The following CAMKK1 variants were observed in gnomAD, a reference collection of about 807,000 sequenced individuals.
CAMKK1 encodes calcium/calmodulin dependent protein kinase kinase 1.
A neutral mutation model predicts 63.5 loss-of-function variants in CAMKK1; 20 were observed. The ratio of observed to expected loss-of-function variants is 0.32; its 90% confidence interval spans 0.22 to 0.46. CAMKK1 has a LOEUF of 0.46. CAMKK1 is among the 20% of genes least tolerant of loss of function. CAMKK1 has a pLI of 1.00. For missense variants in CAMKK1, 588 were observed against 658.1 expected (o/e 0.89, Z 1.17); for synonymous variants, 253 against 269.0 (o/e 0.94, Z 0.58).
chr17:3,884,431 T>C lies in CAMKK1; in HGVS notation c.361-4A>G, dbSNP rs2055552987. The C allele has an allele frequency of 6.2e-7, 1 of 1,613,200 alleles. No individual in the cohort carries two copies. Among genetic ancestry groups the C allele is most frequent in the Non-Finnish European group, 8.5e-7 (1 of 1,179,584 alleles). ...ACTGGTTCAGCTGCACGCAGTCCTGTGGGGGAAGAGCGAGCACCAGGTGGA... is the reference window on the plus strand; with the variant it reads ...ACTGGTTCAGCTGCACGCAGTCCTGCGGGGGAAGAGCGAGCACCAGGTGGA... On this transcript the variant is annotated splice_polypyrimidine_tract_variant and splice_region_variant and intron_variant, in intron 2 of 15. Transcript: ENST00000348335. The surrounding 1 kb of genome is among the most constrained non-coding windows in gnomAD (Gnocchi z 4.5).
chr17:3,876,984 C>T (rs985095097), intron 9 of CAMKK1, among the ~76,000 whole-genome samples: 20 of 152,170 alleles, frequency 1.3e-4, no homozygotes, highest in African/African-American at 4.3e-4. Flanking sequence ...TCTTGAACTC[C>T]TGACCTCAGG....
In CAMKK1 at chr17:3,876,507, G is replaced by C. The variant is rs931006520; in HGVS notation, c.797-85C>G. On this transcript the variant is annotated intron_variant, in intron 9 of 15. Transcript: ENST00000348335. ...CACCCGTCCTTGCACAGCCAGGGAC[G>C]CCGGCCGGGACATCCCAGCCCATGC... is the stretch of plus-strand genomic sequence containing the variant. 4.9e-6 allele frequency: 6 copies of C among 1,231,046 alleles called. No homozygotes were observed. The Admixed American group carries it at 5.4e-5, about 11-fold the overall frequency. 76.3% of individuals were successfully genotyped at this position (1,231,046 alleles called of 1,614,324 possible). A position where few individuals can be genotyped will look rare whatever the true frequency, so the allele number is the denominator to read the frequency against.
chr17:3,869,719 C>T, intron 13 of CAMKK1, 82 bp downstream of exon 13: 4 of 1,592,564 alleles, frequency 2.5e-6, no homozygotes, highest in Non-Finnish European at 2.6e-6. Flanking sequence ...ACACATGCAT[C>T]CTGGTGTTGA....
chr17:3,865,951 G>A lies in CAMKK1; in HGVS notation c.1402C>T (p.Arg468Trp), dbSNP rs369459857. Residue 468 changes from arginine (R) to tryptophan (W), a missense_variant, in exon 15 of 16, where the codon CGG becomes TGG. Transcript: ENST00000348335. The stretch of plus-strand genomic sequence containing the variant: ...GCAGACATGGATCGCTCTTCCCTCC[G>A]TGCTTGGGGCTCAAACGGGTTCCCA... ...SFGNPFEPQA[R>W]REERSMSAPG... 34 of 1,614,060 alleles carry A rather than the reference G, an allele frequency of 2.1e-5. No individual in the cohort carries two copies. Among genetic ancestry groups the A allele is most frequent in the Middle Eastern group, 1.6e-4 (1 of 6,084 alleles).
rs1226948993 is a variant in CAMKK1, at chr17:3,885,729, A to T, written c.-42T>A. ...GTTCTTCTGCGTAGCCTTGTTGGGA[A>T]CCTGAGAAAAGAAGGCAGAGAAGGC... On this transcript the variant is annotated splice_region_variant and 5_prime_UTR_variant, in exon 2 of 16. Transcript: ENST00000348335. The T allele has an allele frequency of 6.2e-7, 1 of 1,602,280 alleles. No homozygotes were observed. The highest frequency in any genetic ancestry group is 8.5e-7 in the Non-Finnish European group (1 of 1,177,240).
Position 3,885,542 on chromosome 17 carries a change from C to T in CAMKK1, c.146G>A (p.Arg49Lys). The change falls in exon 2 of 16, where the codon AGA becomes AAA. Residue 49 changes from arginine (R) to lysine (K), a missense_variant. Arg to Lys is a conservative substitution (Grantham distance 26, BLOSUM62 2). Coordinates refer to ENST00000348335, the MANE Select transcript of CAMKK1 (RefSeq NM_032294.3). ...ACTGCCAGGGATCACAGAGGCAGCT[C>T]TGGCCCGTGGTGGGGGGTCCACACC... is the stretch of plus-strand genomic sequence containing the variant. ...RNGVDPPPRA[R>K]AASVIPGSTS... 1.9e-6 allele frequency: 3 copies of T among 1,613,968 alleles called. No individual in the cohort carries two copies. The highest frequency in any genetic ancestry group is 2.5e-6 in the Non-Finnish European group (3 of 1,180,028).
At chr17:3,872,263 G>A (rs1181383052) in intron 12 of CAMKK1, among the ~76,000 whole-genome samples, 1 of 152,214 alleles carries the variant, frequency 6.6e-6, no homozygotes, top group East Asian at 1.9e-4. Flanking sequence ...GGGTGGGGCT[G>A]GCGCCACTGA....
rs1273451364 is a variant in CAMKK1 at position 3,860,430 on chromosome 17, AAAC to A, written c.*1778_*1780del. 2.0e-5 allele frequency: 3 copies of A among 152,632 alleles called. No homozygotes were observed. The highest frequency in any genetic ancestry group is 7.2e-5 in the African/African-American group (3 of 41,440). The allele number at this position is 152,632 out of a possible 1,614,324, so 9.5% of individuals were successfully genotyped here. ...TGCTCATCGCTTGTGCTACATTCAAAAACAACGATGCCAACCAAAACCCTCAGT... is the reference window on the plus strand; with the variant it reads ...TGCTCATCGCTTGTGCTACATTCAAAAACGATGCCAACCAAAACCCTCAGT... On this transcript the variant is annotated 3_prime_UTR_variant, in exon 16 of 16. Transcript: ENST00000348335.
chr17:3,876,598 C>T (rs2055168818), intron 9 of CAMKK1, among the ~76,000 whole-genome samples, 176 bp from the exon 10 acceptor site: 1 of 152,222 alleles, frequency 6.6e-6, no homozygotes, highest in African/African-American at 2.4e-5. Context: ...CAGGTGCAGA[C>T]ACTGAGCCCA....
chr17:3,872,514 C>T (rs776543635), intron 12 of CAMKK1, 40 bp downstream of exon 12: 13 of 1,536,330 alleles, frequency 8.5e-6, no homozygotes, highest in African/African-American at 4.1e-5. Context: ...ACACCAGGAG[C>T]GGGTGGTAGC....
At chr17:3,868,091 T>G (rs12948104) in intron 14 of CAMKK1, among the ~76,000 whole-genome samples, 2 of 76,304 alleles carry the variant, frequency 2.6e-5, no homozygotes, top group Non-Finnish European at 4.7e-5. Flanking sequence ...ATACGTGGGC[T>G]CTGGGGGAGA....
At chr17:3,869,026 T>A (rs1322211782) in intron 14 of CAMKK1, among the ~76,000 whole-genome samples, 2 of 150,812 alleles carry the variant, frequency 1.3e-5, no homozygotes, top group Non-Finnish European at 3.0e-5. Flanking sequence ...TGGAGTGCAG[T>A]GGCGCGATCT....
In CAMKK1 at chr17:3,890,389, T is replaced by C. The variant is rs2055851900; in HGVS notation, c.-44+2550A>G. 6.6e-6 allele frequency among the ~76,000 whole-genome samples: 1 copy of C among 152,094 alleles called. No homozygotes were observed. The highest frequency in any genetic ancestry group is 2.4e-5 in the African/African-American group (1 of 41,416). On this transcript the variant is annotated intron_variant, in intron 1 of 15. Transcript: ENST00000348335. The surrounding 1 kb of genome is among the most constrained non-coding windows in gnomAD (Gnocchi z 6.5). ...ATCGTCCTGGCCCACCCACGGAGGC[T>C]GATGGTCTCCAGGCCTCATCCTCTG...
At chr17:3,868,692 A>G (rs1449462385) in intron 14 of CAMKK1, among the ~76,000 whole-genome samples, 1 of 151,648 alleles carries the variant, frequency 6.6e-6, no homozygotes, top group African/African-American at 2.4e-5. Context: ...TCGTTCTGTC[A>G]ACCAGGCTGG....
At position 3,885,791 on chromosome 17, in the gene CAMKK1, T is replaced by G. The variant is rs932680137; in HGVS notation, c.-43-61A>C. On this transcript the variant is annotated intron_variant, in intron 1 of 15. Transcript: ENST00000348335. ...GTGTCAGGCTGGCTACCAGGTAAGGTAGCCACAGCGCTGTGGGTCCCACCT... is the reference window on the plus strand; with the variant it reads ...GTGTCAGGCTGGCTACCAGGTAAGGGAGCCACAGCGCTGTGGGTCCCACCT... The G allele has an allele frequency of 4.6e-6, 7 of 1,527,480 alleles. No homozygotes were observed. The African/African-American group carries it at 9.5e-5, about 21-fold the overall frequency. The allele number at this position is 1,527,480 out of a possible 1,614,324, so 94.6% of individuals were successfully genotyped here.
Position 3,884,569 on chromosome 17 carries a change from T to C in CAMKK1, c.361-142A>G, listed in dbSNP as rs2055561488. ...GTCTCACCAAGCTTTTGAGTTTGGA[T>C]GGGGAAGTTGGTGGTGCCATCGCCC... On this transcript the variant is annotated intron_variant, in intron 2 of 15. Coordinates refer to ENST00000348335, the MANE Select transcript of CAMKK1 (RefSeq NM_032294.3). The surrounding 1 kb of genome is among the most constrained non-coding windows in gnomAD (Gnocchi z 4.5). 1 of 694,708 alleles carries C rather than the reference T, an allele frequency of 1.4e-6. No homozygotes were observed. The allele number at this position is 694,708 out of a possible 1,614,324, so 43.0% of individuals were successfully genotyped here.
Position 3,883,394 on chromosome 17 carries a change from A to T in CAMKK1, c.514+35T>A, listed in dbSNP as rs1262202453. On this transcript the variant is annotated intron_variant, in intron 5 of 15. Transcript: ENST00000348335. The surrounding 1 kb of genome is among the most constrained non-coding windows in gnomAD (Gnocchi z 4.7). ...AGGTCTCCTCCTCTGCCTCCAGGCT[A>T]GGAGCTCCCAGGGACAGGATCAGAA... 5.8e-6 allele frequency: 8 copies of T among 1,370,548 alleles called. No individual in the cohort carries two copies. Among genetic ancestry groups the T allele is most frequent in the Admixed American group, 1.7e-5 (1 of 59,624 alleles). The allele number at this position is 1,370,548 out of a possible 1,614,324, so 84.9% of individuals were successfully genotyped here.
intron 1 of CAMKK1, 56 bp from the exon 2 acceptor site, chr17:3,885,786 T>C: frequency 6.5e-7 from 1 of 1,533,250 alleles, no homozygotes; most frequent in Non-Finnish European, 8.8e-7. Flanking sequence ...GGCTACCAGG[T>C]AAGGTAGCCA....
intron 15 of CAMKK1, 123 bp downstream of exon 15, chr17:3,865,785 G>A: frequency 6.6e-7 from 1 of 1,505,188 alleles, no homozygotes; most frequent in Non-Finnish European, 8.9e-7. Flanking sequence ...CCAACACCGA[G>A]ACCTGGCCAA....
Sources: allele counts gnomAD v4.1 joint callset (sites outside exome capture counted in the v4.1 genomes callset), GRCh38; gene constraint gnomAD v4.1.1; non-coding constraint Gnocchi (gnomAD v3.1); transcripts MANE v1.5; gene names NCBI Gene and HGNC (gene_info 2026-07-23, HGNC 2026-07-21).